The following MYO3B variants were observed in gnomAD, a reference collection of about 807,000 sequenced individuals.
The protein encoded by MYO3B is myosin-IIIb.
A neutral mutation model predicts 174.6 loss-of-function variants in MYO3B; 156 were observed. That is an observed-to-expected ratio of 0.89 (90% CI 0.78 to 1.02). MYO3B has a LOEUF of 1.02. Among genes scored for constraint, MYO3B ranks in the 50% least tolerant of loss-of-function variants. The probability of loss-of-function intolerance (pLI) is 0.00; values close to 1 mark genes in which losing one functional copy is unlikely to be tolerated. For missense variants in MYO3B, 1,632 were observed against 1,639.4 expected, an observed-to-expected ratio of 1.00 and a Z score of 0.08; for synonymous variants, 563 against 569.1, an observed-to-expected ratio of 0.99 and a Z score of 0.15.
At chr2:170,234,170 C>CAAAAAAA (rs71006078) in intron 6 of MYO3B, among the ~76,000 whole-genome samples, 1 of 48,546 alleles carries the variant, frequency 2.1e-5, no homozygotes, top group Non-Finnish European at 3.5e-5. Flanking sequence ...GACTCCGTCT[C>CAAAAAAA]AAAAAAAAAA....
intron 22 of MYO3B, among the ~76,000 whole-genome samples, chr2:170,409,880 T>C (rs1219396004): frequency 6.6e-6 from 1 of 152,262 alleles, no homozygotes; most frequent in Non-Finnish European, 1.5e-5. Flanking sequence ...TGTCAGAATA[T>C]TACTTTTCTA....
intron 1 of MYO3B, among the ~76,000 whole-genome samples, chr2:170,189,046 A>G (rs1211305600): frequency 1.3e-5 from 2 of 152,158 alleles, no homozygotes; most frequent in East Asian, 1.9e-4. Context: ...GTGCTGATCA[A>G]ATCCCTCAGC....
intron 23 of MYO3B, among the ~76,000 whole-genome samples, chr2:170,447,343 A>G (rs183425265): frequency 6.6e-6 from 1 of 152,292 alleles, no homozygotes. Context: ...CTTAAGGGAT[A>G]GATGTATCAC....
chr2:170,623,425 A>AT (rs1352042988), intron 32 of MYO3B, among the ~76,000 whole-genome samples: 4 of 151,786 alleles, frequency 2.6e-5, no homozygotes, highest in Non-Finnish European at 4.4e-5. Flanking sequence ...GGGTTGTTTG[A>AT]TTTTTTCTTG....
chr2:170,231,395 G>A (rs550627789), intron 6 of MYO3B, among the ~76,000 whole-genome samples: 2 of 152,364 alleles, frequency 1.3e-5, no homozygotes, highest in South Asian at 4.1e-4. Context: ...GGCAGCTAAG[G>A]TGGTAATGAC....
At chr2:170,435,364 T>G (rs6433201) in intron 22 of MYO3B, among the ~76,000 whole-genome samples, 150,536 of 152,326 alleles carry the variant, frequency 0.99, 74,405 homozygotes, top group East Asian at 1. Context: ...GAATCATAGG[T>G]AATGAACTGT....
intron 32 of MYO3B, among the ~76,000 whole-genome samples, chr2:170,544,641 A>G (rs1690354907): frequency 6.6e-6 from 1 of 152,246 alleles, no homozygotes; most frequent in Non-Finnish European, 1.5e-5. Flanking sequence ...TTTCTGAAAT[A>G]TAAAGTAATT....
chr2:170,348,721 G>C (rs1000473962), intron 8 of MYO3B: 1 of 152,180 alleles, frequency 6.6e-6, no homozygotes, highest in Non-Finnish European at 1.5e-5. Context: ...CCTGGATATG[G>C]AGTGTTTGGA....
chr2:170,555,771 C>G (rs777078607), intron 32 of MYO3B, among the ~76,000 whole-genome samples: 1 of 152,102 alleles, frequency 6.6e-6, no homozygotes, highest in Non-Finnish European at 1.5e-5. Context: ...ACATGGAAGG[C>G]TGAGGTAGAA....
intron 32 of MYO3B, among the ~76,000 whole-genome samples, chr2:170,625,039 T>C (rs553338984): frequency 6.6e-6 from 1 of 152,346 alleles, no homozygotes; most frequent in African/African-American, 2.4e-5. Context: ...TGTTTTGTTG[T>C]GTCTCTGCCA....
chr2:170,458,372 G>A (rs1684035466), intron 23 of MYO3B, among the ~76,000 whole-genome samples: 1 of 152,162 alleles, frequency 6.6e-6, no homozygotes, highest in Non-Finnish European at 1.5e-5. Context: ...TGGCCACACA[G>A]CTAGCAAGAA....
At chr2:170,627,080 T>G (rs940454069) in intron 32 of MYO3B, among the ~76,000 whole-genome samples, 3 of 152,130 alleles carry the variant, frequency 2.0e-5, no homozygotes, top group African/African-American at 7.2e-5. Flanking sequence ...CTGTATTTCC[T>G]GAATTTGAAT....
intron 6 of MYO3B, 78 bp downstream of exon 6, chr2:170,217,473 T>C: frequency 4.0e-6 from 5 of 1,237,924 alleles, no homozygotes; most frequent in African/African-American, 1.5e-5. Flanking sequence ...GTAAGTCATA[T>C]GCTTTGCAGA....
At chr2:170,648,916 TAATA>T (rs1384292976) in intron 32 of MYO3B, among the ~76,000 whole-genome samples, 1 of 103,510 alleles carries the variant, frequency 9.7e-6, no homozygotes, top group African/African-American at 4.0e-5. Flanking sequence ...AAAATATATA[TAATA>T]TATATAAAAT....
At chr2:170,496,531 C>G (rs955179190) in intron 25 of MYO3B, among the ~76,000 whole-genome samples, 10 of 150,562 alleles carry the variant, frequency 6.6e-5, no homozygotes, top group African/African-American at 2.4e-4. Flanking sequence ...AAATGCCTTG[C>G]AAGTTTTCTA....
At chr2:170,387,988 A>C (rs34283785) in intron 14 of MYO3B, among the ~76,000 whole-genome samples, 47,733 of 151,962 alleles carry the variant, frequency 0.31, 8,706 homozygotes, top group Non-Finnish European at 0.42. Flanking sequence ...GGTGTGGTAC[A>C]TACTATCAGA....
intron 32 of MYO3B, among the ~76,000 whole-genome samples, chr2:170,558,567 GC>G (rs1396885680): frequency 6.6e-6 from 1 of 152,100 alleles, no homozygotes; most frequent in Admixed American, 6.5e-5. Context: ...TTGACTTCTA[GC>G]TTTTTCTCTT....
At chr2:170,543,103 T>A (rs1270623319) in intron 31 of MYO3B, 137 bp downstream of exon 31, 2 of 684,998 alleles carry the variant, frequency 2.9e-6, no homozygotes, top group African/African-American at 3.6e-5. Flanking sequence ...TTTGAAGTCT[T>A]TGAGACAAAA....
intron 32 of MYO3B, among the ~76,000 whole-genome samples, chr2:170,636,063 GA>G (rs958157109): frequency 2.0e-5 from 3 of 152,174 alleles, no homozygotes; most frequent in Non-Finnish European, 2.9e-5. Context: ...ATAGTGTGTG[GA>G]ATATGATTAA....
Sources: gnomAD v4.1 joint callset for allele counts (sites outside exome capture counted in the v4.1 genomes callset) on GRCh38, gnomAD v4.1.1 for gene constraint, MANE v1.5 for transcripts, NCBI Gene and HGNC (gene_info 2026-07-23, HGNC 2026-07-21) for gene names.